The following OTOA variants were observed in gnomAD, a reference collection of about 807,000 sequenced individuals.
The protein encoded by OTOA is otoancorin, also known as cancer/testis antigen 108.
In OTOA, 70 loss-of-function variants were observed where a neutral mutation model predicts 110.8. The observed-to-expected ratio is 0.63, with a 90% CI of 0.52 to 0.77. OTOA has a LOEUF of 0.77. Among genes scored for constraint, OTOA ranks in the 30% least tolerant of loss-of-function variants. The probability of loss-of-function intolerance (pLI) is 0.00; values close to 1 mark genes in which losing one functional copy is unlikely to be tolerated. For missense variants in OTOA, 917 were observed against 1,075.8 expected (o/e 0.85, Z 2.06); for synonymous variants, 373 against 431.5 (o/e 0.86, Z 1.68).
chr16:21,719,473 A>G lies in OTOA; in HGVS notation c.1775A>G (p.Gln592Arg). ...DFFLAHFQDF[Q>R]NNFALLSPYQ... is the part of the protein sequence containing the mutation. ...TTTCTGGCCCATTTCCAGGATTTTC[A>G]GAACAACTTCGCCCTGCTTTCACCC... The change falls in exon 17 of 29, where the codon CAG (glutamine) becomes CGG (arginine). Residue 592 changes from glutamine (Q) to arginine (R), a missense_variant. Around this residue, in one of 6 missense-constraint regions of OTOA, gnomAD observed 840 missense variants for 910.2 expected, o/e 0.92. Coordinates refer to ENST00000646100, the MANE Select transcript of OTOA (RefSeq NM_144672.4). 6.2e-7 allele frequency: 1 copy of G among 1,614,138 alleles called. No homozygotes were observed. Among genetic ancestry groups the G allele is most frequent in the Non-Finnish European group, 8.5e-7 (1 of 1,180,018 alleles).
rs1160595827 is a variant in OTOA, at chr16:21,695,103, T to C, written c.740-2672T>C. Among the ~76,000 whole-genome samples, 13 of 152,216 alleles carry C rather than the reference T, an allele frequency of 8.5e-5. No individual in the cohort carries two copies. In the East Asian group the frequency reaches 2.3e-3, roughly 27 times the overall value. On this transcript the variant is annotated intron_variant, in intron 9 of 28. Transcript: ENST00000646100. ...CTGGAAATACTTTGGCTGTTAAAAA[T>C]ATCCCAACCTTGCTGGCCAGGTGTG...
rs1448784584 is a variant in OTOA, at chr16:21,679,058, A to G, written c.143A>G (p.Tyr48Cys). The G allele has an allele frequency of 3.7e-6, 6 of 1,613,698 alleles. No individual in the cohort carries two copies. The highest frequency in any genetic ancestry group is 1.1e-5 in the South Asian group (1 of 91,076). The change falls in exon 4 of 29, where the codon TAT becomes TGT. Residue 48 changes from tyrosine (Y) to cysteine (C), a missense_variant. Physicochemically the swap from Tyr to Cys is radical, Grantham distance 194. Transcript: ENST00000646100. Reference protein sequence around the residue: ...NMAEEIIDGSYLNALLDLIQF... With the variant: ...NMAEEIIDGSCLNALLDLIQF... The stretch of plus-strand genomic sequence containing the variant: ...TAGGAAGAAATAATAGATGGAAGCT[A>G]TCTGAATGGTAATGTGCCCCCTTGA...
chr16:21,701,348 A>G (rs1355508976), intron 11 of OTOA, among the ~76,000 whole-genome samples: 1 of 152,164 alleles, frequency 6.6e-6, no homozygotes, highest in African/African-American at 2.4e-5. Flanking sequence ...TCCTGTTCCA[A>G]AGTGAATGTG....
intron 10 of OTOA, 25 bp downstream of exon 10, chr16:21,697,900 T>C (rs1469224924): frequency 1.9e-6 from 3 of 1,565,054 alleles, no homozygotes; most frequent in Non-Finnish European, 1.8e-6. Context: ...TACATTTATA[T>C]GTCACCATTA....
intron 12 of OTOA, among the ~76,000 whole-genome samples, chr16:21,709,371 G>C (rs1898286362): frequency 6.6e-6 from 1 of 151,962 alleles, no homozygotes; most frequent in Non-Finnish European, 1.5e-5. Flanking sequence ...AGGTTGCAGT[G>C]TTGCAGTGAG....
chr16:21,666,452 ACT>A (rs1343492170), intron 1 of OTOA, among the ~76,000 whole-genome samples: 1 of 151,702 alleles, frequency 6.6e-6, no homozygotes, highest in Non-Finnish European at 1.5e-5. Context: ...AGATGAAGTG[ACT>A]CTGATCCATG....
At chr16:21,707,779 C>CG (rs1567379802) in intron 12 of OTOA, among the ~76,000 whole-genome samples, 3 of 128,246 alleles carry the variant, frequency 2.3e-5, no homozygotes. Flanking sequence ...CCCTCCCCCC[C>CG]CCATCCCTTT....
At chr16:21,759,988 A>G (rs1900117009) in intron 28 of OTOA, among the ~76,000 whole-genome samples, 1 of 151,848 alleles carries the variant, frequency 6.6e-6, no homozygotes, top group Non-Finnish European at 1.5e-5. Flanking sequence ...GAAAGTGATG[A>G]GGGCCCCTTA....
intron 9 of OTOA, among the ~76,000 whole-genome samples, chr16:21,695,421 C>T (rs981824893): frequency 1.3e-5 from 2 of 151,698 alleles, no homozygotes; most frequent in East Asian, 3.9e-4. Context: ...TACAGAAATA[C>T]AGTTTATGCT....
rs1898593342 is a variant in OTOA, at chr16:21,717,456, G to A, written c.1629+409G>A. On this transcript the variant is annotated intron_variant, in intron 15 of 28. Transcript: ENST00000646100. ...ACCCTGTCTCTTAAAAAAAAAGTTA[G>A]ACAAGACCTGAGCATGAATTCTGGC... 2.0e-5 allele frequency among the ~76,000 whole-genome samples: 3 copies of A among 152,054 alleles called. No homozygotes were observed. The South Asian group carries it at 6.2e-4, about 31-fold the overall frequency.
At position 21,704,964 on chromosome 16, in the gene OTOA, C is replaced by T. The variant is rs1465181260; in HGVS notation, c.981-205C>T. On this transcript the variant is annotated intron_variant, in intron 11 of 28. Transcript: ENST00000646100. The stretch of plus-strand genomic sequence containing the variant: ...GTGGTGTCCACTTCATAATTCAGCC[C>T]CCATTCCTTGGTCTCGTCTGAGCAG... The T allele has an allele frequency of 1.2e-5, 10 of 833,260 alleles. No individual in the cohort carries two copies. The Admixed American group carries it at 1.7e-4, about 14-fold the overall frequency. 51.6% of individuals were successfully genotyped at this position (833,260 alleles called of 1,614,324 possible).
intron 5 of OTOA, among the ~76,000 whole-genome samples, chr16:21,680,030 T>A (rs1966876392): frequency 6.6e-6 from 1 of 152,032 alleles, no homozygotes. Context: ...AGTACTATGA[T>A]CGATAAGAAA....
At chr16:21,758,746 A>T (rs1900072746) in intron 28 of OTOA, among the ~76,000 whole-genome samples, 5 of 151,274 alleles carry the variant, frequency 3.3e-5, no homozygotes, top group Middle Eastern at 3.4e-3. Flanking sequence ...CATGCCTGTA[A>T]TCCTAGCACT....
At chr16:21,688,483 T>C (rs562209263) in intron 8 of OTOA, among the ~76,000 whole-genome samples, 2 of 152,258 alleles carry the variant, frequency 1.3e-5, no homozygotes, top group Non-Finnish European at 2.9e-5. Context: ...TAGCTAGATA[T>C]GTTGCTTGCT....
chr16:21,699,546 A>G (rs1898009836), intron 10 of OTOA, among the ~76,000 whole-genome samples: 1 of 152,010 alleles, frequency 6.6e-6, no homozygotes, highest in Non-Finnish European at 1.5e-5. Context: ...CTGAGGTGGG[A>G]GGATCACTTG....
chr16:21,669,696 A>G (rs537305580), intron 1 of OTOA, among the ~76,000 whole-genome samples: 3 of 152,150 alleles, frequency 2.0e-5, no homozygotes, highest in South Asian at 4.1e-4. Context: ...CCAAAATCCA[A>G]CCACTTCTCA....
At chr16:21,708,263 C>A (rs1045822290) in intron 12 of OTOA, among the ~76,000 whole-genome samples, 1 of 152,130 alleles carries the variant, frequency 6.6e-6, no homozygotes, top group South Asian at 2.1e-4. Flanking sequence ...TCATAAAGAG[C>A]GCACAGACTA....
chr16:21,674,827 T>G (rs1966854051), intron 1 of OTOA, among the ~76,000 whole-genome samples: 2 of 151,398 alleles, frequency 1.3e-5, no homozygotes, highest in Non-Finnish European at 2.9e-5. Flanking sequence ...GCTTATTTAT[T>G]TTTTAGTTTT....
rs538272518 is a variant in OTOA, at chr16:21,710,067, C to T, written c.1284C>T (p.Val428=). The change falls in exon 13 of 29, where the codon GTC becomes GTT. Residue 428 remains valine, a synonymous_variant. Transcript: ENST00000646100. ...NQVSGWAKSQ[V]IILSAKYLAH... is the part of the protein sequence containing the mutation. Reference sequence around the variant, plus strand: ...TCTCAGGTTGGGCCAAGAGCCAGGTCATCATCTTGTCTGCCAAATACTTGG... The same window carrying T: ...TCTCAGGTTGGGCCAAGAGCCAGGTTATCATCTTGTCTGCCAAATACTTGG... The T allele has an allele frequency of 2.5e-6, 4 of 1,613,942 alleles. No individual in the cohort carries two copies. The highest frequency in any genetic ancestry group is 1.7e-5 in the Admixed American group (1 of 59,964).
Sources: gnomAD v4.1 joint callset for allele counts (sites outside exome capture counted in the v4.1 genomes callset) on GRCh38, gnomAD v4.1.1 for gene constraint, gnomAD v4.1.1 regional missense constraint, MANE v1.5 for transcripts, NCBI Gene and HGNC (gene_info 2026-07-23, HGNC 2026-07-21) for gene names.